TAS2R1: variants seen among roughly 807,000 people sequenced by gnomAD.
TAS2R1 encodes the protein taste receptor type 2 member 1.
For missense variants in TAS2R1, 370 were observed against 353.4 expected, an observed-to-expected ratio of 1.05 and a Z score of -0.38; for synonymous variants, 141 against 134.2, an observed-to-expected ratio of 1.05 and a Z score of -0.35.
At chr5:9,861,038 T>TTTTTTTTTTTG in the TAS2R1 span, among the ~76,000 whole-genome samples, 3 of 44,112 alleles carry the variant, frequency 6.8e-5, no homozygotes, top group Non-Finnish European at 1.5e-4. Flanking sequence ...GAAGATGAGG[T>TTTTTTTTTTTG]TTTTTTTTTT....
rs767985069 is a variant in TAS2R1 at position 9,629,967 on chromosome 5, G to T, written c.66C>A (p.Phe22Leu). ...LAVIQFLLGI[F>L]TNGIIVVVNG... ...TCACCACCACAATGATGCCATTTGT[G>T]AAAATCCCAAGAAGAAATTGTATCA... Residue 22 changes from phenylalanine to leucine, a missense_variant, in exon 1 of 1, where the codon TTC becomes TTA. Coordinates refer to ENST00000382492, the MANE Select transcript of TAS2R1 (RefSeq NM_019599.3). 3 of 1,605,118 alleles carry T rather than the reference G, an allele frequency of 1.9e-6. No homozygotes were observed. The highest frequency in any genetic ancestry group is 2.5e-6 in the Non-Finnish European group (3 of 1,177,126).
At chr5:9,742,341 T>C in the TAS2R1 span, among the ~76,000 whole-genome samples, 15 of 152,292 alleles carry the variant, frequency 9.8e-5, no homozygotes, top group African/African-American at 3.1e-4. Context: ...AATAAACTTA[T>C]CACTACATCC....
chr5:9,791,278 C>A, the TAS2R1 span, among the ~76,000 whole-genome samples: 2 of 152,170 alleles, frequency 1.3e-5, no homozygotes, highest in African/African-American at 4.8e-5. Flanking sequence ...TTGGCCCCAG[C>A]ATGTACAGTG....
chr5:9,812,179 G>A, the TAS2R1 span, among the ~76,000 whole-genome samples: 1 of 151,988 alleles, frequency 6.6e-6, no homozygotes, highest in Non-Finnish European at 1.5e-5. Context: ...TGAATTTCAT[G>A]AGGGCAAAGA....
At chr5:9,739,536 ACTG>A in the TAS2R1 span, among the ~76,000 whole-genome samples, 4 of 152,104 alleles carry the variant, frequency 2.6e-5, no homozygotes, top group African/African-American at 9.7e-5. Flanking sequence ...CATCCAAAAA[ACTG>A]CTGTTTACTC....
chr5:9,709,195 A>C (rs1178846468), intron 1 of TAS2R1, among the ~76,000 whole-genome samples: 2 of 151,964 alleles, frequency 1.3e-5, no homozygotes, highest in Non-Finnish European at 2.9e-5. Context: ...GTAGAAAAAA[A>C]AAAAAAAAAG....
At chr5:9,782,817 G>A in the TAS2R1 span, among the ~76,000 whole-genome samples, 2 of 152,176 alleles carry the variant, frequency 1.3e-5, no homozygotes, top group African/African-American at 2.4e-5. Flanking sequence ...GCATTCTTTG[G>A]GGGAAAGAGG....
the TAS2R1 span, among the ~76,000 whole-genome samples, chr5:9,882,938 CA>C: frequency 6.6e-6 from 1 of 152,126 alleles, no homozygotes; most frequent in Admixed American, 6.6e-5. Context: ...ATGTTCATTG[CA>C]GCACTATTCA....
At chr5:9,776,204 C>A in the TAS2R1 span, among the ~76,000 whole-genome samples, 1 of 152,206 alleles carries the variant, frequency 6.6e-6, no homozygotes, top group Non-Finnish European at 1.5e-5. Context: ...CCCAGTTTTG[C>A]TTTCCACTGT....
At chr5:9,900,180 A>G in the TAS2R1 span, among the ~76,000 whole-genome samples, 1 of 152,336 alleles carries the variant, frequency 6.6e-6, no homozygotes, top group East Asian at 1.9e-4. Context: ...AAGCTTCACA[A>G]CTTACCACCC....
chr5:9,629,237 T>G lies in TAS2R1; in HGVS notation c.796A>C (p.Ile266Leu). ...RFIFLFFILV[I>L]GIYPSGHSLI... ...GAGTGTCCAGAAGGGTATATACCAATCACAAGGATGAAGAACAGAAAGATG... is the reference window on the plus strand; with the variant it reads ...GAGTGTCCAGAAGGGTATATACCAAGCACAAGGATGAAGAACAGAAAGATG... The change falls in exon 1 of 1, where the codon ATT (isoleucine) becomes CTT (leucine). Residue 266 changes from isoleucine to leucine, a missense_variant. Coordinates refer to ENST00000382492, the MANE Select transcript of TAS2R1 (RefSeq NM_019599.3). 6.2e-7 allele frequency: 1 copy of G among 1,613,616 alleles called. No homozygotes were observed. Among genetic ancestry groups the G allele is most frequent in the Non-Finnish European group, 8.5e-7 (1 of 1,179,912 alleles).
the TAS2R1 span, among the ~76,000 whole-genome samples, chr5:9,726,257 T>A: frequency 6.6e-6 from 1 of 152,038 alleles, no homozygotes; most frequent in African/African-American, 2.4e-5. Flanking sequence ...TTGGAGAACC[T>A]TTGTGTTGAC....
At chr5:9,873,816 C>T in the TAS2R1 span, among the ~76,000 whole-genome samples, 46 of 138,126 alleles carry the variant, frequency 3.3e-4, no homozygotes, top group Admixed American at 1.3e-3. Context: ...TTGCAGTGAG[C>T]GGAGATTGAG....
chr5:9,856,147 C>T, the TAS2R1 span, among the ~76,000 whole-genome samples: 6 of 152,150 alleles, frequency 3.9e-5, no homozygotes, highest in African/African-American at 1.2e-4. Flanking sequence ...TTTAAAACGT[C>T]TCCTTATAAG....
the TAS2R1 span, among the ~76,000 whole-genome samples, chr5:9,890,243 G>A: frequency 3.9e-5 from 6 of 152,264 alleles, no homozygotes; most frequent in Middle Eastern, 3.4e-3. Flanking sequence ...CAAAAAGGCC[G>A]CCTACGTGAT....
the TAS2R1 span, among the ~76,000 whole-genome samples, chr5:9,872,419 C>A: frequency 3.3e-5 from 5 of 152,132 alleles, no homozygotes; most frequent in East Asian, 1.9e-4. Flanking sequence ...TTTAAAAAAA[C>A]CCCTTTGCTT....
chr5:9,725,566 T>G, the TAS2R1 span, among the ~76,000 whole-genome samples: 1 of 152,164 alleles, frequency 6.6e-6, no homozygotes, highest in Admixed American at 6.5e-5. Flanking sequence ...GGGGCAGGGC[T>G]CGGGACCTGC....
the TAS2R1 span, among the ~76,000 whole-genome samples, chr5:9,764,242 A>C: frequency 1.3e-5 from 2 of 152,236 alleles, no homozygotes; most frequent in African/African-American, 4.8e-5. Context: ...ATTTTCAAAA[A>C]GTGTATCAAT....
the TAS2R1 span, among the ~76,000 whole-genome samples, chr5:9,855,917 G>A: frequency 1.4e-3 from 209 of 151,662 alleles, no homozygotes; most frequent in African/African-American, 4.8e-3. Flanking sequence ...CCTACATTCT[G>A]ATTGGTATCA....
Sources: allele counts gnomAD v4.1 joint callset (sites outside exome capture counted in the v4.1 genomes callset), GRCh38; gene constraint gnomAD v4.1.1; transcripts MANE v1.5; gene names NCBI Gene and HGNC (gene_info 2026-07-23, HGNC 2026-07-21).